SLC22A12: variants seen among roughly 807,000 people sequenced by gnomAD.
SLC22A12 encodes the protein organic anion transporter 4-like protein.
A neutral mutation model predicts 52.7 loss-of-function variants in SLC22A12; 56 were observed. The ratio of observed to expected loss-of-function variants is 1.06; its 90% CI spans 0.86 to 1.33. SLC22A12 has a LOEUF of 1.33. SLC22A12 is among the 40% of genes most tolerant of loss of function. The pLI, the probability that SLC22A12 is intolerant of heterozygous loss-of-function variation, is 0.00. For synonymous variants in SLC22A12, 337 were observed against 324.6 expected (o/e 1.04, Z -0.41); for missense variants, 683 against 741.5 (o/e 0.92, Z 0.92).
Position 64,591,657 on chromosome 11 carries a change from A to G in SLC22A12, c.101A>G (p.Gln34Arg). The change falls in exon 1 of 10, where the codon CAG becomes CGG. Residue 34 changes from glutamine (Q) to arginine (R), a missense_variant. By Grantham distance (43) the Gln-to-Arg change is conservative. Transcript: ENST00000377574. Reference sequence around the variant, plus strand: ...GTCTCCATCATGTGGCTGTGTACCCAGAGCATGCTGGAGAACTTCTCGGCC... The same window carrying G: ...GTCTCCATCATGTGGCTGTGTACCCGGAGCATGCTGGAGAACTTCTCGGCC... Reference protein sequence around the residue: ...LMVSIMWLCTQSMLENFSAAV... With the variant: ...LMVSIMWLCTRSMLENFSAAV... 1 of 1,613,010 alleles carries G rather than the reference A, an allele frequency of 6.2e-7. No homozygotes were observed. The highest frequency in any genetic ancestry group is 8.5e-7 in the Non-Finnish European group (1 of 1,180,000).
In SLC22A12 at chr11:64,591,891, A is replaced by T. The variant is rs2038928676; in HGVS notation, c.335A>T (p.Asp112Val). ...NATATSWSEA[D>V]TEPCVDGWVY... The stretch of plus-strand genomic sequence containing the variant: ...ACGGCCACCAGCTGGAGCGAGGCCG[A>T]CACGGAGCCGTGTGTGGATGGCTGG... The change falls in exon 1 of 10, where the codon GAC (aspartate) becomes GTC (valine). Residue 112 changes from aspartate to valine, a missense_variant. Asp to Val is a radical substitution (Grantham distance 152, BLOSUM62 -3). Coordinates refer to ENST00000377574, the MANE Select transcript of SLC22A12 (RefSeq NM_144585.4). 1.2e-6 allele frequency: 2 copies of T among 1,612,560 alleles called. No homozygotes were observed. Among genetic ancestry groups the T allele is most frequent in the Admixed American group, 3.3e-5 (2 of 60,006 alleles).
At chr11:64,593,293 T>G in intron 2 of SLC22A12, 112 bp from the exon 3 acceptor site, 2 of 1,537,578 alleles carry the variant, frequency 1.3e-6, no homozygotes. Flanking sequence ...GCCGCTTCAG[T>G]GTCCGCCTCA....
At position 64,599,634 on chromosome 11, in the gene SLC22A12, C is replaced by CA. The variant is rs1554988610; in HGVS notation, c.1071-41dup. On this transcript the variant is annotated intron_variant, in intron 6 of 9. Transcript: ENST00000377574. The stretch of plus-strand genomic sequence containing the variant: ...TCCCACCCTGCCCACCACCCCCCCC[C>CA]ACCCCCCACCCCCACCCTGACTTCC... 11 of 233,678 alleles carry CA rather than the reference C, an allele frequency of 4.7e-5. 1 individual carries two copies. The highest frequency in any genetic ancestry group is 2.1e-4 in the African/African-American group (6 of 27,962). 14.5% of individuals were successfully genotyped at this position (233,678 alleles called of 1,614,324 possible).
Position 64,593,663 on chromosome 11 carries a change from A to G in SLC22A12, c.690A>G (p.Arg230=), listed in dbSNP as rs769984725. ...LLMEWTAARA[R]PLVMTLNSLG... Reference sequence around the variant, plus strand: ...TGGAGTGGACGGCGGCACGGGCCCGACCCTTGGTGATGACCTTGAACTCTC... The same window carrying G: ...TGGAGTGGACGGCGGCACGGGCCCGGCCCTTGGTGATGACCTTGAACTCTC... The change falls in exon 4 of 10, where the codon CGA becomes CGG. Residue 230 remains arginine, a synonymous_variant. Transcript: ENST00000377574. 5.9e-5 allele frequency: 96 copies of G among 1,613,868 alleles called. No individual in the cohort carries two copies. The highest frequency in any genetic ancestry group is 7.9e-5 in the Non-Finnish European group (93 of 1,180,022).
chr11:64,593,914 G>C, intron 4 of SLC22A12, 111 bp downstream of exon 4: 1 of 1,430,590 alleles, frequency 7.0e-7, no homozygotes, highest in Middle Eastern at 1.7e-4. Flanking sequence ...GAGGCCAGGG[G>C]TGCATGGGCT....
intron 1 of SLC22A12, among the ~76,000 whole-genome samples, chr11:64,592,495 T>G (rs1282143670): frequency 1.3e-5 from 2 of 151,948 alleles, no homozygotes; most frequent in African/African-American, 2.4e-5. Context: ...GGTGGCTGCT[T>G]CCAAGTGGAG....
chr11:64,598,587 G>C lies in SLC22A12; in HGVS notation c.902G>C (p.Arg301Thr). ...GATTGGGGCCTGCAGGAGCTGTGGA[G>C]GGTGGCTGCCATCAACGGAAAGGGG... ...RLDWGLQELW[R>T]VAAINGKGAV... The change falls in exon 5 of 10, where the codon AGG becomes ACG. Residue 301 changes from arginine to threonine, a missense_variant. Arg to Thr is a moderately conservative substitution (Grantham distance 71). Coordinates refer to ENST00000377574, the MANE Select transcript of SLC22A12 (RefSeq NM_144585.4). The C allele has an allele frequency of 1.9e-6, 3 of 1,609,370 alleles. No individual in the cohort carries two copies. Among genetic ancestry groups the C allele is most frequent in the South Asian group, 1.1e-5 (1 of 90,166 alleles).
At chr11:64,600,524 CGGGGCACCCCCAGGCAGGACT>C in intron 8 of SLC22A12, 49 bp downstream of exon 8, 1 of 1,487,580 alleles carries the variant, frequency 6.7e-7, no homozygotes, top group East Asian at 2.3e-5. Flanking sequence ...GGCTGAGCTG[CGGGGCACCCCCAGGCAGGACT>C]GGCTTCTCCC....
At chr11:64,601,102 C>A (rs972002195) in intron 9 of SLC22A12, among the ~76,000 whole-genome samples, 164 bp downstream of exon 9, 1 of 152,118 alleles carries the variant, frequency 6.6e-6, no homozygotes, top group African/African-American at 2.4e-5. Context: ...GAGTGGCAAC[C>A]CAGGGCTCAG....
At position 64,599,898 on chromosome 11, in the gene SLC22A12, G is replaced by T. The variant is rs1310161821; in HGVS notation, c.1285+8G>T. On this transcript the variant is annotated splice_region_variant and intron_variant, in intron 7 of 9. Transcript: ENST00000377574. The stretch of plus-strand genomic sequence containing the variant: ...ACACGCTGGTGCCCCACGGTGAGGG[G>T]GCAAAGCTGTACACCAGAGACTTCC... 1.9e-6 allele frequency: 3 copies of T among 1,611,460 alleles called. No homozygotes were observed. Among genetic ancestry groups the T allele is most frequent in the Non-Finnish European group, 2.5e-6 (3 of 1,179,412 alleles).
intron 9 of SLC22A12, among the ~76,000 whole-genome samples, 180 bp downstream of exon 9, chr11:64,601,118 G>A (rs935964478): frequency 8.5e-5 from 13 of 152,250 alleles, no homozygotes; most frequent in African/African-American, 3.1e-4. Flanking sequence ...CTCAGTCTCC[G>A]GCTGGCAGTG....
At chr11:64,596,019 ATGGAATGGATGGATGGT>A (rs1287521436) in intron 4 of SLC22A12, among the ~76,000 whole-genome samples, 33 of 132,876 alleles carry the variant, frequency 2.5e-4, no homozygotes, top group Middle Eastern at 6.0e-3. Context: ...GGATGGATGG[ATGGAATGGATGGATGGT>A]TGGAATAGAT....
At chr11:64,592,943 C>T (rs551791401) in intron 2 of SLC22A12, 61 bp downstream of exon 2, 2 of 1,468,908 alleles carry the variant, frequency 1.4e-6, no homozygotes, top group African/African-American at 1.4e-5. Context: ...CTCCTAGGAC[C>T]CTGGCCGACT....
Position 64,591,851 on chromosome 11 carries a change from T to C in SLC22A12, c.295T>C (p.Leu99=). 6.2e-7 allele frequency: 1 copy of C among 1,612,564 alleles called. No homozygotes were observed. ...CTTCCGCCAGCCACAGTGGCAGCTCTTGGACCCCAATGCCACGGCCACCAG... is the reference window on the plus strand; with the variant it reads ...CTTCCGCCAGCCACAGTGGCAGCTCCTGGACCCCAATGCCACGGCCACCAG... ...RRFRQPQWQL[L]DPNATATSWS... The change falls in exon 1 of 10, where the codon TTG becomes CTG. Residue 99 remains leucine (L), a synonymous_variant. Coordinates refer to ENST00000377574, the MANE Select transcript of SLC22A12 (RefSeq NM_144585.4).
Position 64,601,491 on chromosome 11 carries a change from A to G in SLC22A12, c.1602A>G (p.Ala534=). 6.2e-7 allele frequency: 1 copy of G among 1,613,084 alleles called. No homozygotes were observed. Among genetic ancestry groups the G allele is most frequent in the Non-Finnish European group, 8.5e-7 (1 of 1,179,870 alleles). Residue 534 remains alanine, a synonymous_variant, in exon 10 of 10, where the codon GCA becomes GCG. Transcript: ENST00000377574. ...CCCCCGTGTGCTTCCTGAACAGGGC[A>G]GTAAAGAAGGCAACACATGGCACGC... The part of the protein sequence containing the change: ...PDTIQDVQNQ[A]VKKATHGTLG...
chr11:64,597,531 C>A (rs1050805646), intron 4 of SLC22A12, among the ~76,000 whole-genome samples: 2 of 152,232 alleles, frequency 1.3e-5, no homozygotes, highest in African/African-American at 4.8e-5. Flanking sequence ...CTCACCATCC[C>A]CCCACCAAGT....
Position 64,591,472 on chromosome 11 carries a change from G to A in SLC22A12, c.-85G>A. On this transcript the variant is annotated 5_prime_UTR_variant, in exon 1 of 10. Transcript: ENST00000377574. ...AGCCACTGTGGGCACCACCGTGGGG[G>A]AAACAGGCCCGTTGCCCTGGCCTCT... The A allele has an allele frequency of 3.8e-6, 6 of 1,573,472 alleles. No homozygotes were observed. In the Middle Eastern group the frequency reaches 5.4e-4, roughly 141 times the overall value.
rs771497490 is a variant in SLC22A12, at chr11:64,591,792, C to A, written c.236C>A (p.Pro79Gln). ...PEALLAISIPPGPNQRPHQCR... is the reference protein window; with the variant it reads ...PEALLAISIPQGPNQRPHQCR... ...GCCCTCCTGGCTATTTCCATCCCGC[C>A]GGGCCCCAACCAGAGGCCCCACCAG... is the stretch of plus-strand genomic sequence containing the variant. The change falls in exon 1 of 10, where the codon CCG (proline) becomes CAG (glutamine). Residue 79 changes from proline (P) to glutamine (Q), a missense_variant. Pro to Gln is a moderately conservative substitution (Grantham distance 76). Transcript: ENST00000377574. 6.2e-7 allele frequency: 1 copy of A among 1,612,568 alleles called. No homozygotes were observed. Among genetic ancestry groups the A allele is most frequent in the Admixed American group, 1.7e-5 (1 of 60,032 alleles).
chr11:64,591,940 C>T lies in SLC22A12; in HGVS notation c.384C>T (p.Thr128=), dbSNP rs866295372. The T allele has an allele frequency of 5.0e-6, 8 of 1,611,694 alleles. No homozygotes were observed. The Middle Eastern group carries it at 9.9e-4, about 199-fold the overall frequency. The stretch of plus-strand genomic sequence containing the variant: ...GGGTCTATGACCGCAGCATCTTCAC[C>T]TCCACAATCGTGGCCAAGGTAGGGC... ...DGWVYDRSIF[T]STIVAKWNLV... Residue 128 remains threonine, a synonymous_variant, in exon 1 of 10, where the codon ACC becomes ACT. Coordinates refer to ENST00000377574, the MANE Select transcript of SLC22A12 (RefSeq NM_144585.4).
Sources: gnomAD v4.1 joint callset for allele counts (sites outside exome capture counted in the v4.1 genomes callset) on GRCh38, gnomAD v4.1.1 for gene constraint, MANE v1.5 for transcripts, NCBI Gene and HGNC (gene_info 2026-07-23, HGNC 2026-07-21) for gene names.